Variants in ANKH observed in about 807,000 individuals in gnomAD.
The protein encoded by ANKH is ANKH inorganic pyrophosphate transport regulator.
Under a neutral mutation model 49.0 loss-of-function variants are expected in ANKH, and 15 were observed. The ratio of observed to expected loss-of-function variants is 0.31; its 90% confidence interval spans 0.20 to 0.47. The LOEUF (loss-of-function observed/expected upper bound fraction) is 0.47. Among genes scored for constraint, ANKH ranks in the 20% least tolerant of loss-of-function variants. ANKH has a pLI of 1.00. For missense variants in ANKH, 429 were observed against 652.0 expected, an observed-to-expected ratio of 0.66 and a Z score of 3.72; for synonymous variants, 273 against 260.0, an observed-to-expected ratio of 1.05 and a Z score of -0.48.
Position 14,718,838 on chromosome 5 carries a change from C to CA in ANKH, c.1012-2004_1012-2003insT, listed in dbSNP as rs1554000294. 3.7e-4 allele frequency among the ~76,000 whole-genome samples: 52 copies of CA among 141,026 alleles called. 1 individual carries two copies. The South Asian group carries it at 4.2e-3, about 11-fold the overall frequency. The allele number at this position is 141,026 out of a possible 152,430, so 92.5% of individuals were successfully genotyped here. A position where few individuals can be genotyped will look rare whatever the true frequency, so the allele number is the denominator to read the frequency against. ...CCATCCTCCCAACACCACCCCCCCC[C>CA]CAAAAAAAAAAGACATAGAAAAAGA... On this transcript the variant is annotated intron_variant, in intron 8 of 11. Coordinates refer to ENST00000284268, the MANE Select transcript of ANKH (RefSeq NM_054027.6).
rs564803392 is a variant in ANKH at position 14,713,237 on chromosome 5, G to A, written c.1266-264C>T. 7.2e-5 allele frequency among the ~76,000 whole-genome samples: 11 copies of A among 152,210 alleles called. No individual in the cohort carries two copies. The highest frequency in any genetic ancestry group is 1.0e-4 in the Non-Finnish European group (7 of 68,008). On this transcript the variant is annotated intron_variant, in intron 10 of 11. Coordinates refer to ENST00000284268, the MANE Select transcript of ANKH (RefSeq NM_054027.6). The surrounding 1 kb of genome is among the most constrained non-coding windows in gnomAD (Gnocchi z 4.4). Reference sequence around the variant, plus strand: ...CCAGGACGCTGGGAGCTCCCTGAGCGCAGGGACCATGTCCTTCTCTTCTGG... The same window carrying A: ...CCAGGACGCTGGGAGCTCCCTGAGCACAGGGACCATGTCCTTCTCTTCTGG...
rs1301658043 is a variant in ANKH, at chr5:14,707,918, T to G, written c.*3279A>C. 1 of 152,092 alleles carries G rather than the reference T, an allele frequency of 6.6e-6. No homozygotes were observed. Among genetic ancestry groups the G allele is most frequent in the East Asian group, 1.9e-4 (1 of 5,182 alleles). The allele number at this position is 152,092 out of a possible 1,614,324, so 9.4% of individuals were successfully genotyped here. A position where few individuals can be genotyped will look rare whatever the true frequency, so the allele number is the denominator to read the frequency against. ...TGCAGGCAGTCATGGGGGATGACTG[T>G]TTTTTACCCAGAAATGCAAACAAGT... On this transcript the variant is annotated 3_prime_UTR_variant, in exon 12 of 12. Coordinates refer to ENST00000284268, the MANE Select transcript of ANKH (RefSeq NM_054027.6).
At chr5:14,836,322 G>C (rs1301534177) in intron 1 of ANKH, among the ~76,000 whole-genome samples, 52 of 152,126 alleles carry the variant, frequency 3.4e-4, no homozygotes, top group Middle Eastern at 3.4e-3. Flanking sequence ...AAGAGGAAGT[G>C]AAATTGTCCC....
intron 2 of ANKH, among the ~76,000 whole-genome samples, chr5:14,760,046 G>A (rs1396593884): frequency 2.0e-5 from 3 of 152,152 alleles, no homozygotes; most frequent in Non-Finnish European, 2.9e-5. Context: ...CAGAGAGTGA[G>A]GTGGGGCAGG....
At chr5:14,772,592 A>G (rs1467435382) in intron 1 of ANKH, among the ~76,000 whole-genome samples, 1 of 152,226 alleles carries the variant, frequency 6.6e-6, no homozygotes, top group Non-Finnish European at 1.5e-5. Flanking sequence ...AACACCCTAA[A>G]ACAAAATAAA....
At chr5:14,719,568 C>T (rs907263717) in intron 8 of ANKH, among the ~76,000 whole-genome samples, 1 of 151,934 alleles carries the variant, frequency 6.6e-6, no homozygotes, top group Non-Finnish European at 1.5e-5. Flanking sequence ...ATTTACACCA[C>T]GAAGGGAAAA....
chr5:14,733,254 CAG>C (rs1204712306), intron 8 of ANKH, among the ~76,000 whole-genome samples: 15 of 152,310 alleles, frequency 9.8e-5, no homozygotes, highest in Non-Finnish European at 1.6e-4. Context: ...GTACTGGGCT[CAG>C]AAGATACAAA....
At chr5:14,734,481 C>T (rs1738106047) in intron 8 of ANKH, among the ~76,000 whole-genome samples, 1 of 152,206 alleles carries the variant, frequency 6.6e-6, no homozygotes, top group Non-Finnish European at 1.5e-5. Context: ...ATTTTATATT[C>T]GAGTACTATG....
At chr5:14,764,775 T>A (rs1484406945) in intron 2 of ANKH, among the ~76,000 whole-genome samples, 3 of 152,138 alleles carry the variant, frequency 2.0e-5, no homozygotes, top group Non-Finnish European at 4.4e-5. Flanking sequence ...AAAAGAGAAG[T>A]CTGGCAAACA....
chr5:14,782,651 C>T (rs899978166), intron 1 of ANKH, among the ~76,000 whole-genome samples: 10 of 152,118 alleles, frequency 6.6e-5, no homozygotes, highest in Non-Finnish European at 1.2e-4. Context: ...CAGTACTATA[C>T]AACAAGCATT....
At position 14,766,494 on chromosome 5, in the gene ANKH, C is replaced by T. The variant is rs961646295; in HGVS notation, c.313+2481G>A. ...AATGACTCAATCCATGAGGCCTGTC[C>T]CAACCCCAAAAAGAAAGAATCTCTT... On this transcript the variant is annotated intron_variant, in intron 2 of 11. Coordinates refer to ENST00000284268, the MANE Select transcript of ANKH (RefSeq NM_054027.6). Among the ~76,000 whole-genome samples, 2 of 152,122 alleles carry T rather than the reference C, an allele frequency of 1.3e-5. 1 individual carries two copies. Among genetic ancestry groups the T allele is most frequent in the South Asian group, 4.1e-4 (2 of 4,830 alleles).
At chr5:14,723,400 G>A (rs755046706) in intron 8 of ANKH, among the ~76,000 whole-genome samples, 4 of 151,752 alleles carry the variant, frequency 2.6e-5, no homozygotes, top group Non-Finnish European at 4.4e-5. Flanking sequence ...CATGGTGGAT[G>A]CCTGTAATTC....
rs56836903 is a variant in ANKH, at chr5:14,729,486, C to CA, written c.1011+12340dup. 2.0e-3 allele frequency among the ~76,000 whole-genome samples: 241 copies of CA among 122,206 alleles called. 1 individual carries two copies. The highest frequency in any genetic ancestry group is 3.4e-3 in the East Asian group (15 of 4,450). The allele number at this position is 122,206 out of a possible 152,430, so 80.2% of individuals were successfully genotyped here. ...TACAGGTTGTGCCACCGCGCCTGAC[C>CA]AAAAAAAAAAAAAAAGTCTTCTAAT... On this transcript the variant is annotated intron_variant, in intron 8 of 11. Transcript: ENST00000284268.
At position 14,797,819 on chromosome 5, in the gene ANKH, A is replaced by G. The variant is rs867217046; in HGVS notation, c.97-28628T>C. The G allele has an allele frequency of 1.7e-5, 27 of 1,610,656 alleles. 1 individual carries two copies. The highest frequency in any genetic ancestry group is 4.5e-4 in the Middle Eastern group (2 of 4,446). ...AGATGGTGTGGTCATCTGAAGCACT[A>G]AGTAAGTGCCCACTGAGATTTAGGT... On this transcript the variant is annotated intron_variant, in intron 1 of 11. Coordinates refer to ENST00000284268, the MANE Select transcript of ANKH (RefSeq NM_054027.6).
At chr5:14,869,967 T>C (rs1425617971) in intron 1 of ANKH, 1 of 152,126 alleles carries the variant, frequency 6.6e-6, no homozygotes, top group Non-Finnish European at 1.5e-5. Context: ...GTCTAAAAGC[T>C]TTTCTACGGA....
chr5:14,822,011 G>A (rs770103067), intron 1 of ANKH, among the ~76,000 whole-genome samples: 2 of 152,102 alleles, frequency 1.3e-5, no homozygotes, highest in Non-Finnish European at 2.9e-5. Flanking sequence ...TTCAAGATCT[G>A]ACATTTAGTT....
At chr5:14,869,644 G>C (rs575676174) in intron 1 of ANKH, 1 of 152,184 alleles carries the variant, frequency 6.6e-6, no homozygotes, top group South Asian at 2.1e-4. Context: ...TCCCTTTTGT[G>C]ACTTCAGGAG....
chr5:14,712,046 C>T (rs1674253948), intron 11 of ANKH, among the ~76,000 whole-genome samples: 1 of 152,218 alleles, frequency 6.6e-6, no homozygotes, highest in African/African-American at 2.4e-5. Context: ...ACATGACATG[C>T]TCAGTAATGA....
chr5:14,779,051 A>G (rs1338245880), intron 1 of ANKH, among the ~76,000 whole-genome samples: 2 of 152,180 alleles, frequency 1.3e-5, no homozygotes, highest in Non-Finnish European at 2.9e-5. Flanking sequence ...TGTGGAACCC[A>G]TCAGGTAGAA....
Sources: allele counts gnomAD v4.1 joint callset (sites outside exome capture counted in the v4.1 genomes callset), GRCh38; gene constraint gnomAD v4.1.1; non-coding constraint Gnocchi (gnomAD v3.1); transcripts MANE v1.5; gene names NCBI Gene and HGNC (gene_info 2026-07-23, HGNC 2026-07-21).